PACRG: variants seen among roughly 807,000 people sequenced by gnomAD.
PACRG encodes the protein parkin coregulated, also known as parkin coregulated gene protein.
In PACRG, 29 loss-of-function variants were observed where a neutral mutation model predicts 29.7. That is an observed-to-expected ratio of 0.98 (90% CI 0.73 to 1.33). PACRG has a LOEUF of 1.33. Ranked by LOEUF, PACRG falls within the 40% of genes most tolerant of loss-of-function variation. The pLI, the probability that PACRG is intolerant of heterozygous loss-of-function variation, is 0.00. For missense variants in PACRG, 279 were observed against 316.2 expected (o/e 0.88, Z 0.89); for synonymous variants, 116 against 118.7 (o/e 0.98, Z 0.15).
chr6:163,079,972 A>G (rs1170212812), intron 3 of PACRG, among the ~76,000 whole-genome samples: 2 of 132,638 alleles, frequency 1.5e-5, no homozygotes, highest in Non-Finnish European at 3.0e-5. Flanking sequence ...GTCTCGGCTC[A>G]CTGCAACCTC....
intron 2 of PACRG, among the ~76,000 whole-genome samples, chr6:162,965,531 A>T (rs1800955942): frequency 6.6e-6 from 1 of 152,140 alleles, no homozygotes. Flanking sequence ...TTGTAAGGGG[A>T]CTAATCCCAT....
chr6:163,205,578 T>C (rs978065254), intron 4 of PACRG, among the ~76,000 whole-genome samples: 1 of 152,164 alleles, frequency 6.6e-6, no homozygotes, highest in African/African-American at 2.4e-5. Context: ...GATAAAATAC[T>C]TAAATGTAAA....
chr6:163,067,577 A>C (rs780693929), intron 3 of PACRG, among the ~76,000 whole-genome samples: 3 of 152,228 alleles, frequency 2.0e-5, no homozygotes, highest in Non-Finnish European at 2.9e-5. Flanking sequence ...AAAGAAAGCC[A>C]AGGTAACTTG....
chr6:163,210,502 C>T (rs1329279314), intron 4 of PACRG, among the ~76,000 whole-genome samples: 1 of 152,196 alleles, frequency 6.6e-6, no homozygotes, highest in Non-Finnish European at 1.5e-5. Flanking sequence ...GAAGGTGGAG[C>T]TTCCAAGCGG....
chr6:163,101,414 A>G lies in PACRG; in HGVS notation c.613+12006A>G, dbSNP rs933125272. ...TCTAACAGAAATCACTGAATGTTAC[A>G]TATGTTTGTATGAGTCTTTATTTAT... On this transcript the variant is annotated intron_variant, in intron 4 of 4. Coordinates refer to ENST00000366888, the MANE Select transcript of PACRG (RefSeq NM_001080379.2). 35 of 959,976 alleles carry G rather than the reference A, an allele frequency of 3.6e-5. 1 individual carries two copies. In the Admixed American group the frequency reaches 1.2e-3, roughly 34 times the overall value. 59.5% of individuals were successfully genotyped at this position (959,976 alleles called of 1,614,324 possible).
At chr6:163,071,163 A>G (rs1812009911) in intron 3 of PACRG, among the ~76,000 whole-genome samples, 1 of 152,090 alleles carries the variant, frequency 6.6e-6, no homozygotes, top group African/African-American at 2.4e-5. Flanking sequence ...ACAAAGAAAC[A>G]TTGACTTAAT....
At position 162,738,312 on chromosome 6, in the gene PACRG, G is replaced by A. The variant is rs532716146; in HGVS notation, c.156+9921G>A. 2.0e-5 allele frequency among the ~76,000 whole-genome samples: 3 copies of A among 152,308 alleles called. No homozygotes were observed. The East Asian group carries it at 5.8e-4, about 29-fold the overall frequency. On this transcript the variant is annotated intron_variant, in intron 1 of 4. Transcript: ENST00000366888. The stretch of plus-strand genomic sequence containing the variant: ...TTTTCATCTGAGCTATTTGGTTACA[G>A]TGCAGGTTTCTGTAATGCCTTCAGG...
At chr6:162,844,396 G>A (rs537551776) in intron 2 of PACRG, among the ~76,000 whole-genome samples, 1 of 152,244 alleles carries the variant, frequency 6.6e-6, no homozygotes, top group Non-Finnish European at 1.5e-5. Context: ...GACTCCGAAG[G>A]GGAACTCCCT....
At position 163,236,365 on chromosome 6, in the gene PACRG, C is replaced by G. The variant is rs1468845595; in HGVS notation, c.614-78462C>G. 2.0e-5 allele frequency among the ~76,000 whole-genome samples: 3 copies of G among 152,158 alleles called. No homozygotes were observed. The East Asian group carries it at 5.8e-4, about 29-fold the overall frequency. On this transcript the variant is annotated intron_variant, in intron 4 of 4. Coordinates refer to ENST00000366888, the MANE Select transcript of PACRG (RefSeq NM_001080379.2). ...TGTGACTCACTTATGTATACTTATG[C>G]TTTGCTAGCTTCTTTCCCCCTTTGG...
intron 4 of PACRG, among the ~76,000 whole-genome samples, chr6:163,228,218 C>G (rs1042346169): frequency 1.3e-5 from 2 of 151,708 alleles, no homozygotes; most frequent in African/African-American, 2.4e-5. Flanking sequence ...GACCAGCTCT[C>G]CAGGCAATGG....
intron 2 of PACRG, among the ~76,000 whole-genome samples, chr6:163,031,809 G>A (rs779066005): frequency 2.6e-5 from 4 of 152,072 alleles, no homozygotes; most frequent in African/African-American, 4.8e-5. Context: ...TGGGGCTCCT[G>A]GACCTGTTAG....
chr6:163,292,084 A>G (rs1240289371), intron 4 of PACRG, among the ~76,000 whole-genome samples: 3 of 152,020 alleles, frequency 2.0e-5, no homozygotes, highest in Non-Finnish European at 4.4e-5. Flanking sequence ...TTAAAGGGAT[A>G]GAGAGAAGGC....
rs552113051 is a variant in PACRG at position 163,067,134 on chromosome 6, C to A, written c.463+4813C>A. ...TTCACCAACCCAAGTGAACAGCCTT[C>A]CTGCTGTAGCACCGCTTCCCAAGCT... is the stretch of plus-strand genomic sequence containing the variant. On this transcript the variant is annotated intron_variant, in intron 3 of 4. Coordinates refer to ENST00000366888, the MANE Select transcript of PACRG (RefSeq NM_001080379.2). 3.9e-5 allele frequency among the ~76,000 whole-genome samples: 6 copies of A among 152,252 alleles called. No homozygotes were observed. The South Asian group carries it at 6.2e-4, about 16-fold the overall frequency.
At chr6:163,117,241 G>A (rs1338623469) in intron 4 of PACRG, among the ~76,000 whole-genome samples, 1 of 152,228 alleles carries the variant, frequency 6.6e-6, no homozygotes, top group Non-Finnish European at 1.5e-5. Context: ...TGTGAATGTG[G>A]AACCCTTCTT....
rs191297137 is a variant in PACRG at position 163,115,441 on chromosome 6, G to A, written c.613+26033G>A. 3.1e-4 allele frequency among the ~76,000 whole-genome samples: 47 copies of A among 152,234 alleles called. No individual in the cohort carries two copies. The East Asian group carries it at 3.5e-3, about 11-fold the overall frequency. On this transcript the variant is annotated intron_variant, in intron 4 of 4. Transcript: ENST00000366888. ...AAATGTTTCTTACTTAATCAGAAAA[G>A]CATCCTAAGAGTGATGGATTCTAAA...
chr6:163,188,499 G>C (rs1047355515), intron 4 of PACRG, among the ~76,000 whole-genome samples: 3 of 152,114 alleles, frequency 2.0e-5, no homozygotes, highest in African/African-American at 7.2e-5. Flanking sequence ...TCCTTTATAA[G>C]AATCAGGCCA....
chr6:163,103,648 C>G (rs1385550672), intron 4 of PACRG, among the ~76,000 whole-genome samples: 2 of 152,082 alleles, frequency 1.3e-5, no homozygotes, highest in Non-Finnish European at 2.9e-5. Context: ...GACTGAATAA[C>G]AAGGGGACGG....
In PACRG at chr6:163,078,637, T is replaced by A. The variant is rs35402269; in HGVS notation, c.464-10622T>A. On this transcript the variant is annotated intron_variant, in intron 3 of 4. Coordinates refer to ENST00000366888, the MANE Select transcript of PACRG (RefSeq NM_001080379.2). ...ATCGTCATCATTATCATCATCATCA[T>A]CATTCTCTGCCTAAATTACGGCAAC... Among the ~76,000 whole-genome samples, 717 of 152,238 alleles carry A rather than the reference T, an allele frequency of 4.7e-3. 5 individuals are homozygous for A. The highest frequency in any genetic ancestry group is 6.6e-3 in the Non-Finnish European group (452 of 68,022).
intron 4 of PACRG, among the ~76,000 whole-genome samples, chr6:163,285,066 A>G (rs1784350658): frequency 6.6e-6 from 1 of 151,958 alleles, no homozygotes; most frequent in Non-Finnish European, 1.5e-5. Flanking sequence ...GGTCCACTTG[A>G]GCCTTCCTTG....
Sources: gnomAD v4.1 joint callset for allele counts (sites outside exome capture counted in the v4.1 genomes callset) on GRCh38, gnomAD v4.1.1 for gene constraint, MANE v1.5 for transcripts, NCBI Gene and HGNC (gene_info 2026-07-23, HGNC 2026-07-21) for gene names.